The following MALRD1 variants were observed in gnomAD, a reference collection of about 807,000 sequenced individuals.
The protein encoded by MALRD1 is MAM and LDL receptor class A domain containing 1.
MALRD1 carries 247 observed loss-of-function variants against 242.1 expected under a neutral mutation model. The ratio of observed to expected loss-of-function variants is 1.02; its 90% CI spans 0.92 to 1.13. MALRD1 has a LOEUF of 1.13. MALRD1 is among the 50% of genes most tolerant of loss of function. The probability of loss-of-function intolerance (pLI) is 0.00; values close to 1 mark genes in which losing one functional copy is unlikely to be tolerated. For missense variants in MALRD1, 2,989 were observed against 2,533.1 expected, an observed-to-expected ratio of 1.18 and a Z score of -3.86; for synonymous variants, 995 against 866.6, an observed-to-expected ratio of 1.15 and a Z score of -2.60.
intron 26 of MALRD1, among the ~76,000 whole-genome samples, chr10:19,373,105 C>A (rs10740880): frequency 6.7e-6 from 1 of 150,148 alleles, no homozygotes; most frequent in Non-Finnish European, 1.5e-5. Context: ...AAAAATAATT[C>A]ATTGATGAAA....
At chr10:19,727,598 C>T (rs954175371) in intron 38 of MALRD1, among the ~76,000 whole-genome samples, 1 of 152,110 alleles carries the variant, frequency 6.6e-6, no homozygotes, top group Non-Finnish European at 1.5e-5. Context: ...ATGCAACTTC[C>T]TTTCCTCTAC....
chr10:19,110,953 T>C (rs1836657385), intron 5 of MALRD1, among the ~76,000 whole-genome samples: 2 of 152,190 alleles, frequency 1.3e-5, no homozygotes, highest in African/African-American at 4.8e-5. Context: ...GTTGCTGCCA[T>C]TGAAACTGTA....
intron 29 of MALRD1, among the ~76,000 whole-genome samples, chr10:19,485,600 G>A (rs1330907432): frequency 1.3e-5 from 2 of 150,440 alleles, no homozygotes; most frequent in African/African-American, 4.9e-5. Flanking sequence ...CCCAGATCGC[G>A]CCACTGCACT....
chr10:19,383,684 A>G (rs1442707534), intron 26 of MALRD1, among the ~76,000 whole-genome samples: 1 of 152,096 alleles, frequency 6.6e-6, no homozygotes, highest in Non-Finnish European at 1.5e-5. Flanking sequence ...AAGTGTTATT[A>G]TTATTTCCAT....
intron 18 of MALRD1, among the ~76,000 whole-genome samples, chr10:19,211,105 T>C (rs142126413): frequency 6.6e-6 from 1 of 152,298 alleles, no homozygotes; most frequent in East Asian, 1.9e-4. Flanking sequence ...AGCTAGTATG[T>C]AGTGGATAAG....
chr10:19,640,071 C>T (rs1490785020), intron 36 of MALRD1, among the ~76,000 whole-genome samples: 1 of 151,950 alleles, frequency 6.6e-6, no homozygotes, highest in Admixed American at 6.6e-5. Context: ...GGAAGGGATG[C>T]TTCATTGTCT....
At chr10:19,495,713 C>T (rs1837684200) in intron 30 of MALRD1, among the ~76,000 whole-genome samples, 1 of 152,120 alleles carries the variant, frequency 6.6e-6, no homozygotes, top group Admixed American at 6.6e-5. Context: ...AGGATTAAAT[C>T]CATGCATTGT....
At chr10:19,422,046 A>G (rs527636550) in intron 28 of MALRD1, among the ~76,000 whole-genome samples, 1 of 152,366 alleles carries the variant, frequency 6.6e-6, no homozygotes, top group African/African-American at 2.4e-5. Context: ...GAAGACTGAT[A>G]AAGATGCTAG....
Position 19,531,277 on chromosome 10 carries a change from C to G in MALRD1, c.5404C>G (p.Pro1802Ala). ...VARITTSKSF[P>A]ASLGMCTVRF... is the part of the protein sequence containing the mutation. ...CAGAATTACTACTTCCAAATCCTTC[C>G]CAGCAAGCCTTGGAATGTGTACTGT... Residue 1802 changes from proline (P) to alanine (A), a missense_variant, in exon 32 of 40, where the codon CCA (proline) becomes GCA (alanine). Physicochemically the swap from Pro to Ala is conservative, Grantham distance 27. Coordinates refer to ENST00000454679, the MANE Select transcript of MALRD1 (RefSeq NM_001142308.3). 1 of 1,550,352 alleles carries G rather than the reference C, an allele frequency of 6.5e-7. No individual in the cohort carries two copies. Among genetic ancestry groups the G allele is most frequent in the South Asian group, 1.2e-5 (1 of 84,040 alleles).
chr10:19,256,192 T>A, intron 18 of MALRD1, among the ~76,000 whole-genome samples: 1 of 152,182 alleles, frequency 6.6e-6, no homozygotes, highest in African/African-American at 2.4e-5. Context: ...TTCTAAGCAA[T>A]TTGTTAGCAT....
intron 26 of MALRD1, 144 bp from the exon 27 acceptor site, chr10:19,387,384 G>A (rs1365144043): frequency 2.2e-6 from 2 of 905,044 alleles, no homozygotes; most frequent in African/African-American, 3.4e-5. Context: ...GTGGGAGAGA[G>A]AGAGATGGGG....
chr10:19,513,139 C>T (rs1055657394), intron 31 of MALRD1, among the ~76,000 whole-genome samples: 1 of 152,086 alleles, frequency 6.6e-6, no homozygotes, highest in South Asian at 2.1e-4. Context: ...AAGGTAATCC[C>T]CAGTGTTGGA....
chr10:19,449,473 C>G (rs915285936), intron 28 of MALRD1, among the ~76,000 whole-genome samples: 1 of 152,068 alleles, frequency 6.6e-6, no homozygotes, highest in Admixed American at 6.5e-5. Context: ...ACGTGTGTTG[C>G]GAATTCTGCT....
At chr10:19,605,271 C>T (rs1322066817) in intron 34 of MALRD1, among the ~76,000 whole-genome samples, 1 of 151,620 alleles carries the variant, frequency 6.6e-6, no homozygotes, top group African/African-American at 2.4e-5. Context: ...TCTCCTTCCT[C>T]AGTCTCCCAA....
At chr10:19,070,992 C>T (rs1395304042) in intron 2 of MALRD1, among the ~76,000 whole-genome samples, 1 of 151,732 alleles carries the variant, frequency 6.6e-6, no homozygotes, top group East Asian at 2.0e-4. Flanking sequence ...GCTGGGATTA[C>T]AGGCATGTGC....
At chr10:19,643,716 A>G (rs1413565125) in intron 36 of MALRD1, among the ~76,000 whole-genome samples, 1 of 152,288 alleles carries the variant, frequency 6.6e-6, no homozygotes, top group Non-Finnish European at 1.5e-5. Context: ...GTCCAGAAAC[A>G]CTGCCTATTC....
At chr10:19,051,372 T>C (rs764928214) in intron 1 of MALRD1, 1 of 152,220 alleles carries the variant, frequency 6.6e-6, no homozygotes, top group Non-Finnish European at 1.5e-5. Context: ...CTGAATAAAA[T>C]TGACATAGCT....
chr10:19,577,710 T>C (rs1325252314), intron 33 of MALRD1, among the ~76,000 whole-genome samples: 1 of 152,134 alleles, frequency 6.6e-6, no homozygotes, highest in Non-Finnish European at 1.5e-5. Context: ...ATGATGACGT[T>C]GGCCACATAA....
intron 18 of MALRD1, among the ~76,000 whole-genome samples, chr10:19,244,523 G>T (rs1435251547): frequency 6.6e-6 from 1 of 151,800 alleles, no homozygotes; most frequent in Non-Finnish European, 1.5e-5. Context: ...CCATGATCAC[G>T]CCCTGCTCTT....
Sources: allele counts gnomAD v4.1 joint callset (sites outside exome capture counted in the v4.1 genomes callset), GRCh38; gene constraint gnomAD v4.1.1; transcripts MANE v1.5; gene names NCBI Gene and HGNC (gene_info 2026-07-23, HGNC 2026-07-21).